Variants in PCDHA1 observed in about 807,000 individuals in gnomAD.
PCDHA1 encodes the protein protocadherin alpha-1.
A neutral mutation model predicts 61.3 loss-of-function variants in PCDHA1; 42 were observed. The ratio of observed to expected loss-of-function variants is 0.69; its 90% CI spans 0.54 to 0.89. The LOEUF is 0.89. PCDHA1 is among the 40% of genes least tolerant of loss of function. PCDHA1 has a pLI of 0.00. For synonymous variants in PCDHA1, 610 were observed against 553.8 expected (o/e 1.10, Z -1.43); for missense variants, 1,256 against 1,235.3 (o/e 1.02, Z -0.25).
Position 140,848,471 on chromosome 5 carries a change from A to C in PCDHA1, c.2394+59787A>C, listed in dbSNP as rs1410675725. 39 of 1,555,188 alleles carry C rather than the reference A, an allele frequency of 2.5e-5. 4 individuals carry two copies. Among genetic ancestry groups the C allele is most frequent in the Non-Finnish European group, 3.2e-5 (37 of 1,144,100 alleles). On this transcript the variant is annotated intron_variant, in intron 1 of 3. Transcript: ENST00000504120. ...TCTAATTTGGAGGCAATTTTCACTA[A>C]TTAGAAGAAGACTGAGTATTTGAAA...
chr5:140,847,597 C>G (rs1439547927), intron 1 of PCDHA1: 1 of 149,348 alleles, frequency 6.7e-6, no homozygotes, highest in African/African-American at 2.5e-5. Context: ...GAAATTAAAA[C>G]ATATTGTAAT....
chr5:140,850,804 T>C lies in PCDHA1; in HGVS notation c.2394+62120T>C, dbSNP rs2150498986. ...GAGGGTAAGCAGAAGACCGACCTCA[T>C]GGCCTTCAGCCCGGGCCTTTCTCCT... On this transcript the variant is annotated intron_variant, in intron 1 of 3. Transcript: ENST00000504120. The C allele has an allele frequency of 3.1e-6, 5 of 1,598,410 alleles. No homozygotes were observed. The East Asian group carries it at 1.1e-4, about 36-fold the overall frequency.
chr5:140,863,234 G>A (rs782122852), intron 1 of PCDHA1: 1 of 1,250,682 alleles, frequency 8.0e-7, no homozygotes. Flanking sequence ...GTCCCATCGC[G>A]GGCTTTGGCG....
intron 1 of PCDHA1, chr5:140,875,365 A>T: frequency 6.9e-7 from 1 of 1,449,394 alleles, no homozygotes; most frequent in Non-Finnish European, 9.1e-7. Context: ...TGCTGGAAAA[A>T]ATTTACTAAA....
At position 140,787,636 on chromosome 5, in the gene PCDHA1, A is replaced by C; in HGVS notation, c.1346A>C (p.Asn449Thr). ...GTGTCCGTGGAGGTGGCCGACGTGA[A>C]TGACAACGCGCCTGCGTTCGCGCAG... ...ARVSVEVADV[N>T]DNAPAFAQPE... The change falls in exon 1 of 4, where the codon AAT (asparagine) becomes ACT (threonine). Residue 449 changes from asparagine to threonine, a missense_variant. Transcript: ENST00000504120. 6.2e-7 allele frequency: 1 copy of C among 1,614,054 alleles called. No homozygotes were observed. The highest frequency in any genetic ancestry group is 8.5e-7 in the Non-Finnish European group (1 of 1,179,972).
At chr5:140,974,637 G>A (rs1054796505) in intron 1 of PCDHA1, among the ~76,000 whole-genome samples, 7 of 151,898 alleles carry the variant, frequency 4.6e-5, no homozygotes, top group South Asian at 2.1e-4. Context: ...TCAACCTCCC[G>A]AGTAGCTGAG....
intron 1 of PCDHA1, chr5:140,828,097 G>A: frequency 6.2e-7 from 1 of 1,606,162 alleles, no homozygotes; most frequent in Non-Finnish European, 8.5e-7. Flanking sequence ...TTGACATGGT[G>A]TTTACCCCGG....
chr5:140,797,235 G>A (rs1554120354), intron 1 of PCDHA1: 1 of 1,614,188 alleles, frequency 6.2e-7, no homozygotes, highest in Admixed American at 1.7e-5. Flanking sequence ...GGCGGCAGAG[G>A]GTGTGCTCTG....
intron 1 of PCDHA1, among the ~76,000 whole-genome samples, chr5:140,821,284 T>C (rs2150109169): frequency 6.6e-6 from 1 of 152,282 alleles, no homozygotes; most frequent in African/African-American, 2.4e-5. Context: ...TGGAAATATA[T>C]AAACTCCTCC....
intron 1 of PCDHA1, chr5:140,802,607 G>A (rs782607988): frequency 6.8e-6 from 11 of 1,613,944 alleles, no homozygotes; most frequent in Admixed American, 1.7e-5. Flanking sequence ...ACAACCCGCC[G>A]GGCTGCCACA....
intron 1 of PCDHA1, chr5:140,836,213 G>A (rs2150255570): frequency 1.9e-6 from 3 of 1,613,848 alleles, no homozygotes; most frequent in Non-Finnish European, 2.5e-6. Flanking sequence ...TTTCGTATGA[G>A]TTGCAACCGG....
chr5:140,945,605 C>G (rs564297850), intron 1 of PCDHA1, among the ~76,000 whole-genome samples: 1 of 152,166 alleles, frequency 6.6e-6, no homozygotes, highest in East Asian at 1.9e-4. Context: ...CTATAATAAT[C>G]AAAACAGCAT....
chr5:140,800,391 T>A (rs945270616), intron 1 of PCDHA1, among the ~76,000 whole-genome samples: 2 of 152,122 alleles, frequency 1.3e-5, no homozygotes, highest in African/African-American at 4.8e-5. Context: ...TCTACAAATT[T>A]AAAAAACCAT....
At chr5:140,900,776 G>A (rs1407126944) in intron 1 of PCDHA1, among the ~76,000 whole-genome samples, 1 of 152,172 alleles carries the variant, frequency 6.6e-6, no homozygotes, top group Non-Finnish European at 1.5e-5. Flanking sequence ...GCTTTTTGAG[G>A]AAACTCCAAA....
chr5:140,897,312 T>G (rs1367286366), intron 1 of PCDHA1, among the ~76,000 whole-genome samples: 12 of 150,180 alleles, frequency 8.0e-5, no homozygotes, highest in Non-Finnish European at 1.6e-4. Context: ...TAGGTATATC[T>G]CCTAAAGCTA....
chr5:140,951,863 C>T (rs991949987), intron 1 of PCDHA1, among the ~76,000 whole-genome samples: 10 of 152,096 alleles, frequency 6.6e-5, no homozygotes, highest in Non-Finnish European at 7.3e-5. Flanking sequence ...TCCAAAGTCT[C>T]ATCTGAGACA....
chr5:140,829,774 C>T (rs1293917446), intron 1 of PCDHA1: 18 of 1,613,672 alleles, frequency 1.1e-5, no homozygotes, highest in East Asian at 2.2e-5. Context: ...AGAACGACAA[C>T]GCGCCGGCGC....
chr5:140,928,642 G>C, intron 1 of PCDHA1: 1 of 1,614,232 alleles, frequency 6.2e-7, no homozygotes, highest in African/African-American at 1.3e-5. Flanking sequence ...CACAAAAGTG[G>C]TAGCAGAGGA....
intron 1 of PCDHA1, among the ~76,000 whole-genome samples, chr5:140,959,927 C>A (rs1554224406): frequency 6.6e-6 from 1 of 152,038 alleles, no homozygotes; most frequent in African/African-American, 2.4e-5. Flanking sequence ...TTGTAAAGCC[C>A]CATTACTTAG....
Sources: allele counts gnomAD v4.1 joint callset (sites outside exome capture counted in the v4.1 genomes callset), GRCh38; gene constraint gnomAD v4.1.1; transcripts MANE v1.5; gene names NCBI Gene and HGNC (gene_info 2026-07-23, HGNC 2026-07-21).